The following RGS6 variants were observed in gnomAD, a reference collection of about 807,000 sequenced individuals.
RGS6 encodes the protein regulator of G-protein signaling 6.
A neutral mutation model predicts 78.5 loss-of-function variants in RGS6; 30 were observed. The observed-to-expected ratio is 0.38, with a 90% confidence interval of 0.29 to 0.52. The LOEUF is 0.52. Ranked by LOEUF, RGS6 falls within the 20% of genes least tolerant of loss-of-function variation. RGS6 has a pLI of 0.85. For synonymous variants in RGS6, 206 were observed against 206.0 expected (o/e 1.00, Z 0.00); for missense variants, 495 against 609.7 (o/e 0.81, Z 1.98).
At chr14:72,274,805 C>T (rs1003870990) in intron 2 of RGS6, among the ~76,000 whole-genome samples, 1 of 152,172 alleles carries the variant, frequency 6.6e-6, no homozygotes, top group Non-Finnish European at 1.5e-5. Flanking sequence ...AAGGACCTCA[C>T]CCCTGCCAAC....
chr14:72,404,783 T>G (rs2092772518), intron 3 of RGS6, among the ~76,000 whole-genome samples: 1 of 152,058 alleles, frequency 6.6e-6, no homozygotes, highest in African/African-American at 2.4e-5. Context: ...GTGCCTGAAT[T>G]GAGGGAAGTG....
At chr14:72,135,895 G>A (rs1171273995) in intron 2 of RGS6, among the ~76,000 whole-genome samples, 5 of 151,984 alleles carry the variant, frequency 3.3e-5, no homozygotes, top group African/African-American at 9.7e-5. Flanking sequence ...AGAGGAGGAG[G>A]GGAAGGAGGA....
chr14:72,317,456 G>A (rs897378262), intron 2 of RGS6, among the ~76,000 whole-genome samples: 3 of 152,090 alleles, frequency 2.0e-5, no homozygotes, highest in Non-Finnish European at 4.4e-5. Flanking sequence ...GCTTATGAAT[G>A]GTGAAAATGT....
chr14:72,454,645 A>G, intron 4 of RGS6, 67 bp downstream of exon 4: 2 of 1,335,056 alleles, frequency 1.5e-6, no homozygotes, highest in African/African-American at 1.5e-5. Context: ...CCAAGTTCCA[A>G]ACTAGATTCC....
chr14:72,260,585 C>T (rs1039681219), intron 2 of RGS6, among the ~76,000 whole-genome samples: 15 of 152,028 alleles, frequency 9.9e-5, no homozygotes, highest in Admixed American at 7.2e-4. Context: ...CTCCCATTGC[C>T]GTGGAGAGAA....
intron 2 of RGS6, among the ~76,000 whole-genome samples, chr14:72,031,332 G>A (rs1249830180): frequency 1.3e-5 from 2 of 152,120 alleles, no homozygotes; most frequent in African/African-American, 4.8e-5. Flanking sequence ...TTTAATATTT[G>A]TATGGACTGT....
intron 14 of RGS6, among the ~76,000 whole-genome samples, chr14:72,516,588 AC>A (rs1232318663): frequency 6.6e-6 from 1 of 152,212 alleles, no homozygotes; most frequent in Non-Finnish European, 1.5e-5. Context: ...TGCCCAGGCC[AC>A]CTGCGGAGAG....
intron 2 of RGS6, among the ~76,000 whole-genome samples, chr14:72,193,535 C>G (rs566799596): frequency 6.6e-6 from 1 of 152,282 alleles, no homozygotes; most frequent in South Asian, 2.1e-4. Context: ...AGGTGAACAG[C>G]TCACAGATCC....
chr14:72,079,568 A>G (rs192080686), intron 2 of RGS6, among the ~76,000 whole-genome samples: 30 of 152,268 alleles, frequency 2.0e-4, no homozygotes, highest in African/African-American at 7.0e-4. Context: ...CCTAGAAGTC[A>G]CCCACCCAGC....
chr14:72,567,897 G>A (rs184865984), downstream of RGS6, among the ~76,000 whole-genome samples: 282 of 152,340 alleles, frequency 1.9e-3, no homozygotes, highest in Non-Finnish European at 2.4e-3. Flanking sequence ...AGCTGGGCCC[G>A]TTCCCTGTAC....
At chr14:72,251,163 G>A (rs186935919) in intron 2 of RGS6, among the ~76,000 whole-genome samples, 282 of 152,226 alleles carry the variant, frequency 1.9e-3, no homozygotes, top group African/African-American at 6.4e-3. Context: ...TTTATGGGAC[G>A]GTAAGGGGCA....
At chr14:72,184,369 A>ACACACACACACACACAC (rs2097210745) in intron 2 of RGS6, among the ~76,000 whole-genome samples, 1 of 141,284 alleles carries the variant, frequency 7.1e-6, no homozygotes, top group African/African-American at 2.7e-5. Context: ...TTTACTTTCA[A>ACACACACACACACACAC]ACACACACAC....
intron 1 of RGS6, among the ~76,000 whole-genome samples, chr14:71,934,571 A>G (rs963910005): frequency 6.6e-6 from 1 of 152,236 alleles, no homozygotes; most frequent in Non-Finnish European, 1.5e-5. Context: ...GTGAAACATT[A>G]TGACAATGCT....
At chr14:72,113,496 T>A (rs972152341) in intron 2 of RGS6, among the ~76,000 whole-genome samples, 3 of 152,262 alleles carry the variant, frequency 2.0e-5, no homozygotes, top group African/African-American at 7.2e-5. Context: ...GGAGCATCTC[T>A]GCTTTTATTT....
intron 17 of RGS6, 148 bp from the exon 18 acceptor site, chr14:72,562,269 A>G (rs2153556484): frequency 2.7e-6 from 2 of 740,756 alleles, no homozygotes; most frequent in Middle Eastern, 2.3e-4. Context: ...CCATACACCT[A>G]GAGATCAAAT....
rs181921690 is a variant in RGS6 at position 72,298,609 on chromosome 14, G to A, written c.85-53486G>A. Among the ~76,000 whole-genome samples the A allele has an allele frequency of 5.7e-3, 867 of 151,566 alleles. 8 individuals carry two copies. Among genetic ancestry groups the A allele is most frequent in the African/African-American group, 0.019 (786 of 41,368 alleles). ...ACTACAGGCACCCACCATGACATCC[G>A]GCTAATTTTTTTGTATTTTTAGTAG... On this transcript the variant is annotated intron_variant, in intron 2 of 17. Transcript: ENST00000553525.
intron 9 of RGS6, chr14:72,474,188 A>G (rs1413519101): frequency 1.3e-5 from 2 of 153,414 alleles, no homozygotes; most frequent in African/African-American, 2.4e-5. Flanking sequence ...ATTTCACGTT[A>G]TTAAAACAAA....
chr14:72,342,565 TA>T (rs369765140), intron 2 of RGS6, among the ~76,000 whole-genome samples: 180 of 133,458 alleles, frequency 1.3e-3, no homozygotes, highest in Non-Finnish European at 1.7e-3. Flanking sequence ...GACTCTGTCT[TA>T]AAAAAAAAAA....
chr14:72,004,150 G>A (rs2084056505), intron 2 of RGS6, among the ~76,000 whole-genome samples: 3 of 152,166 alleles, frequency 2.0e-5, no homozygotes, highest in Admixed American at 2.0e-4. Flanking sequence ...TCTTGAAGGG[G>A]AGTCAGCATA....
Sources: allele counts gnomAD v4.1 joint callset (sites outside exome capture counted in the v4.1 genomes callset), GRCh38; gene constraint gnomAD v4.1.1; transcripts MANE v1.5; gene names NCBI Gene and HGNC (gene_info 2026-07-23, HGNC 2026-07-21).